The following TBXAS1 variants were observed in gnomAD, a reference collection of about 807,000 sequenced individuals.
TBXAS1 encodes thromboxane A synthase 1, also known as thromboxane-A synthase.
Under a neutral mutation model 60.7 loss-of-function variants are expected in TBXAS1, and 48 were observed. The observed-to-expected ratio is 0.79, with a 90% confidence interval of 0.63 to 1.01. The LOEUF (loss-of-function observed/expected upper bound fraction) is 1.01, where lower values mean the gene tolerates loss of function less well. TBXAS1 is among the 50% of genes least tolerant of loss of function. The probability of loss-of-function intolerance (pLI) is 0.00; values close to 1 mark genes in which losing one functional copy is unlikely to be tolerated. For synonymous variants in TBXAS1, 287 were observed against 269.7 expected (o/e 1.06, Z -0.63); for missense variants, 685 against 686.3 (o/e 1.00, Z 0.02).
intron 9 of TBXAS1, among the ~76,000 whole-genome samples, chr7:140,003,065 A>C (rs1813789396): frequency 6.8e-6 from 1 of 146,844 alleles, no homozygotes; most frequent in African/African-American, 2.5e-5. Flanking sequence ...CAGAGGTTGC[A>C]GTGAGCCGAG....
chr7:139,876,357 G>A (rs1802235489), intron 3 of TBXAS1, among the ~76,000 whole-genome samples: 1 of 152,198 alleles, frequency 6.6e-6, no homozygotes, highest in Non-Finnish European at 1.5e-5. Context: ...TAACAGGCTT[G>A]AATTGTATTG....
chr7:139,898,875 AC>A (rs1804335999), intron 3 of TBXAS1, among the ~76,000 whole-genome samples: 1 of 152,076 alleles, frequency 6.6e-6, no homozygotes, highest in Non-Finnish European at 1.5e-5. Context: ...TCAAGGTGAT[AC>A]AGCTGTTAAA....
chr7:139,855,754 C>T (rs1478082732), intron 1 of TBXAS1, among the ~76,000 whole-genome samples: 1 of 152,132 alleles, frequency 6.6e-6, no homozygotes, highest in African/African-American at 2.4e-5. Context: ...ACCTAGGCAA[C>T]GACAGACTGC....
At chr7:139,900,678 G>A (rs1228678367) in intron 3 of TBXAS1, among the ~76,000 whole-genome samples, 1 of 152,216 alleles carries the variant, frequency 6.6e-6, no homozygotes, top group African/African-American at 2.4e-5. Context: ...ACTCTATATT[G>A]TGCTTTGTAG....
intron 5 of TBXAS1, among the ~76,000 whole-genome samples, chr7:139,936,909 A>G (rs1807840134): frequency 6.6e-6 from 1 of 152,138 alleles, no homozygotes; most frequent in East Asian, 1.9e-4. Context: ...CCTCTAGGCC[A>G]AGTTCAAGGG....
Position 139,975,851 on chromosome 7 carries a change from C to T in TBXAS1, c.1134+13618C>T, listed in dbSNP as rs1811525722. 6.6e-6 allele frequency among the ~76,000 whole-genome samples: 1 copy of T among 152,200 alleles called. No individual in the cohort carries two copies. The highest frequency in any genetic ancestry group is 2.1e-4 in the South Asian group (1 of 4,828). ...TGAAGAGTGCATGGGCAGCTTCTCC[C>T]CTGACATCCCTACCTCCCTGACGCT... On this transcript the variant is annotated intron_variant, in intron 9 of 12. Coordinates refer to ENST00000448866, the MANE Select transcript of TBXAS1 (RefSeq NM_001061.7). The surrounding 1 kb of genome is among the most constrained non-coding windows in gnomAD (Gnocchi z 4.4).
At chr7:139,875,097 A>C (rs1274749462) in intron 2 of TBXAS1, among the ~76,000 whole-genome samples, 1 of 152,176 alleles carries the variant, frequency 6.6e-6, no homozygotes, top group Non-Finnish European at 1.5e-5. Flanking sequence ...TCTGTCTCGA[A>C]AAAACAAACA....
chr7:139,875,433 T>C, intron 2 of TBXAS1, 152 bp from the exon 3 acceptor site: 1 of 709,174 alleles, frequency 1.4e-6, no homozygotes, highest in South Asian at 1.7e-5. Flanking sequence ...TTTATTCCAA[T>C]GTTTCAAAGT....
chr7:139,824,914 C>G (rs1027354417), upstream of TBXAS1, among the ~76,000 whole-genome samples: 3 of 148,768 alleles, frequency 2.0e-5, no homozygotes, highest in East Asian at 6.0e-4. Context: ...ACTGCACCCT[C>G]TGCCTCCTGG....
intron 3 of TBXAS1, among the ~76,000 whole-genome samples, chr7:139,880,066 T>C (rs1268326304): frequency 6.6e-6 from 1 of 152,128 alleles, no homozygotes; most frequent in Non-Finnish European, 1.5e-5. Context: ...GTATTTTTGG[T>C]AAAGACGGGG....
rs1810420992 is a variant in TBXAS1 at position 139,962,176 on chromosome 7, C to T, written c.1077C>T (p.Thr359=). ...TLSFATYLLA[T]NPDCQEKLLR... is the part of the protein sequence containing the mutation. Reference sequence around the variant, plus strand: ...CTTTTGCCACCTACCTACTGGCCACCAACCCTGACTGCCAAGAGAAGCTTC... The same window carrying T: ...CTTTTGCCACCTACCTACTGGCCACTAACCCTGACTGCCAAGAGAAGCTTC... The change falls in exon 9 of 13, where the codon ACC becomes ACT. Residue 359 remains threonine (T), a synonymous_variant. Transcript: ENST00000448866. 1.9e-6 allele frequency: 3 copies of T among 1,614,064 alleles called. No homozygotes were observed. The highest frequency in any genetic ancestry group is 1.7e-6 in the Non-Finnish European group (2 of 1,180,038).
intron 9 of TBXAS1, among the ~76,000 whole-genome samples, 186 bp from the exon 10 acceptor site, chr7:140,006,905 T>C (rs1466399383): frequency 6.6e-6 from 1 of 152,172 alleles, no homozygotes; most frequent in Admixed American, 6.5e-5. Flanking sequence ...CCGTGAAATA[T>C]AAGCACAATA....
rs147749986 is a variant in TBXAS1, at chr7:139,956,961, G to A, written c.689-673G>A. ...CCCCAGCCCAGCTCCCATAGAGCCC[G>A]GTACAGGGTGAACCCACAATGGAAG... On this transcript the variant is annotated intron_variant, in intron 7 of 12. Transcript: ENST00000448866. 2.0e-3 allele frequency among the ~76,000 whole-genome samples: 308 copies of A among 152,356 alleles called. 3 individuals are homozygous for A. Among genetic ancestry groups the A allele is most frequent in the African/African-American group, 7.1e-3 (295 of 41,584 alleles).
chr7:139,852,453 C>T lies in TBXAS1; in HGVS notation c.90-19782C>T, dbSNP rs1252132973. On this transcript the variant is annotated intron_variant, in intron 1 of 12. Coordinates refer to ENST00000448866, the MANE Select transcript of TBXAS1 (RefSeq NM_001061.7). This position sits in a 1 kb window ranked among gnomAD's most constrained non-coding sequence, Gnocchi z 4.4. ...AGCAAACACACTGAGGAACAACGGGCACTGAGATTCAGGGCTCTTGGACTA... is the reference window on the plus strand; with the variant it reads ...AGCAAACACACTGAGGAACAACGGGTACTGAGATTCAGGGCTCTTGGACTA... Among the ~76,000 whole-genome samples the T allele has an allele frequency of 6.6e-6, 1 of 152,164 alleles. No homozygotes were observed. Among genetic ancestry groups the T allele is most frequent in the Non-Finnish European group, 1.5e-5 (1 of 68,038 alleles).
chr7:139,995,811 A>G (rs1329393260), intron 9 of TBXAS1, among the ~76,000 whole-genome samples: 3 of 152,102 alleles, frequency 2.0e-5, no homozygotes, highest in African/African-American at 7.2e-5. Context: ...CAGATGGGTG[A>G]TGATGCGCTC....
chr7:140,005,594 A>G (rs997516617), intron 9 of TBXAS1, among the ~76,000 whole-genome samples: 2 of 152,264 alleles, frequency 1.3e-5, no homozygotes, highest in Admixed American at 6.5e-5. Context: ...ATAACCTTCT[A>G]AAGTTAGAAC....
intron 8 of TBXAS1, among the ~76,000 whole-genome samples, chr7:139,958,843 T>C (rs1325856948): frequency 6.6e-6 from 1 of 152,246 alleles, no homozygotes; most frequent in Non-Finnish European, 1.5e-5. Context: ...AAGAAGCAGC[T>C]AACTGGCATC....
intron 3 of TBXAS1, among the ~76,000 whole-genome samples, chr7:139,784,011 G>GTTTTTTTTTTT (rs11340240): frequency 1.5e-3 from 193 of 131,850 alleles, no homozygotes; most frequent in Middle Eastern, 3.9e-3. Flanking sequence ...AGTTTTTTTT[G>GTTTTTTTTTTT]TTTTTTTTTT....
At chr7:139,958,003 C>T (rs1810017286) in intron 8 of TBXAS1, among the ~76,000 whole-genome samples, 1 of 152,124 alleles carries the variant, frequency 6.6e-6, no homozygotes, top group Non-Finnish European at 1.5e-5. Context: ...CATCCTCGGA[C>T]ACGGACGGGT....
Sources: allele counts gnomAD v4.1 joint callset (sites outside exome capture counted in the v4.1 genomes callset), GRCh38; gene constraint gnomAD v4.1.1; non-coding constraint Gnocchi (gnomAD v3.1); transcripts MANE v1.5; gene names NCBI Gene and HGNC (gene_info 2026-07-23, HGNC 2026-07-21).